ANK2: variants seen among roughly 807,000 people sequenced by gnomAD.
ANK2 encodes the protein ankyrin 2, also known as ankyrin-2.
ANK2 carries 83 observed loss-of-function variants against 360.5 expected under a neutral mutation model. That is an observed-to-expected ratio of 0.23 (90% CI 0.19 to 0.28). The LOEUF (loss-of-function observed/expected upper bound fraction) is 0.28, where lower values mean the gene tolerates loss of function less well. ANK2 is among the 10% of genes least tolerant of loss of function. The pLI, the probability that ANK2 is intolerant of heterozygous loss-of-function variation, is 1.00. For missense variants in ANK2, 4,201 were observed against 4,795.7 expected, an observed-to-expected ratio of 0.88 and a Z score of 3.66; for synonymous variants, 1,740 against 1,759.5, an observed-to-expected ratio of 0.99 and a Z score of 0.28.
rs58509066 is a variant in ANK2 at position 113,153,763 on chromosome 4, A to G, written c.85-20653A>G. Among the ~76,000 whole-genome samples, 53 of 152,324 alleles carry G rather than the reference A, an allele frequency of 3.5e-4. 2 individuals carry two copies. The East Asian group carries it at 0.01, about 29-fold the overall frequency. On this transcript the variant is annotated intron_variant, in intron 1 of 45. Transcript: ENST00000357077. ...GTACTCTGTGAACTACCACATCAGA[A>G]GAATCGCCTGGTGTGTTTTTAAATG...
intron 1 of ANK2, among the ~76,000 whole-genome samples, chr4:113,163,018 A>G (rs867239399): frequency 6.6e-6 from 1 of 152,214 alleles, no homozygotes; most frequent in South Asian, 2.1e-4. Flanking sequence ...ACATATTTAG[A>G]TAGATACAGC....
At chr4:113,346,287 C>A (rs144676954) in intron 35 of ANK2, among the ~76,000 whole-genome samples, 99 of 152,282 alleles carry the variant, frequency 6.5e-4, no homozygotes, top group African/African-American at 2.4e-3. Flanking sequence ...TCTATTAATA[C>A]ACATTGGGCA....
At chr4:113,340,166 A>T (rs1357604379) in intron 32 of ANK2, among the ~76,000 whole-genome samples, 2 of 152,240 alleles carry the variant, frequency 1.3e-5, no homozygotes, top group African/African-American at 4.8e-5. Context: ...AATCCAGAAG[A>T]TGACATGTTC....
At chr4:112,911,256 T>C (rs111813080) in intron 2 of ANK2, among the ~76,000 whole-genome samples, 1,628 of 146,486 alleles carry the variant, frequency 0.011, 30 homozygotes, top group African/African-American at 0.038. Context: ...GCCTGTAATC[T>C]CAACACTTTG....
At chr4:113,094,658 G>A (rs1166503740) in intron 1 of ANK2, among the ~76,000 whole-genome samples, 1 of 152,152 alleles carries the variant, frequency 6.6e-6, no homozygotes, top group Non-Finnish European at 1.5e-5. Flanking sequence ...CATATTTAGT[G>A]TGGGGTACAA....
intron 1 of ANK2, among the ~76,000 whole-genome samples, chr4:112,844,427 G>A (rs535079311): frequency 1.3e-5 from 2 of 152,320 alleles, no homozygotes; most frequent in South Asian, 4.1e-4. Flanking sequence ...GAAGGCAAGG[G>A]CCATAACTGT....
At chr4:113,074,920 G>C (rs1459596926) in intron 1 of ANK2, among the ~76,000 whole-genome samples, 1 of 152,130 alleles carries the variant, frequency 6.6e-6, no homozygotes, top group Non-Finnish European at 1.5e-5. Flanking sequence ...TAAAACAACA[G>C]GGTTGACAAA....
chr4:113,199,341 C>T (rs1270493709), intron 4 of ANK2, among the ~76,000 whole-genome samples: 1 of 152,042 alleles, frequency 6.6e-6, no homozygotes, highest in Non-Finnish European at 1.5e-5. Flanking sequence ...ATCATTGTCT[C>T]TAAGTATTTT....
At chr4:113,327,395 T>G (rs1039918628) in intron 26 of ANK2, among the ~76,000 whole-genome samples, 1 of 152,214 alleles carries the variant, frequency 6.6e-6, no homozygotes, top group Non-Finnish European at 1.5e-5. Flanking sequence ...CCAACTGCTT[T>G]CCTACATCTG....
At chr4:112,861,129 C>A (rs1331513757) in intron 1 of ANK2, among the ~76,000 whole-genome samples, 2 of 152,110 alleles carry the variant, frequency 1.3e-5, no homozygotes, top group African/African-American at 2.4e-5. Context: ...GGGTGCAAAC[C>A]AATTAAGTAA....
chr4:113,379,448 C>T (rs78065574), intron 45 of ANK2, among the ~76,000 whole-genome samples: 6,041 of 152,252 alleles, frequency 0.04, 151 homozygotes, highest in Non-Finnish European at 0.058. Flanking sequence ...TTAAAGATAT[C>T]ATATACATGT....
At chr4:113,174,584 A>G in intron 2 of ANK2, 67 bp downstream of exon 2, 3 of 1,232,008 alleles carry the variant, frequency 2.4e-6, no homozygotes, top group Non-Finnish European at 3.5e-6. Flanking sequence ...TCAGAGCCCA[A>G]GATTATTTTT....
chr4:113,081,758 T>A (rs1007231322), intron 1 of ANK2, among the ~76,000 whole-genome samples: 1 of 152,152 alleles, frequency 6.6e-6, no homozygotes, highest in African/African-American at 2.4e-5. Flanking sequence ...GGTGACCACA[T>A]ATTTTAAGTA....
At chr4:113,106,764 T>A (rs1581749070) in intron 1 of ANK2, 2 of 337,520 alleles carry the variant, frequency 5.9e-6, no homozygotes, top group East Asian at 1.5e-4. Flanking sequence ...TTCTGACAAA[T>A]TTTCTTCACA....
chr4:113,165,804 T>A (rs910377868), intron 1 of ANK2, among the ~76,000 whole-genome samples: 7 of 152,114 alleles, frequency 4.6e-5, no homozygotes, highest in African/African-American at 1.7e-4. Context: ...TCAAAGAGTA[T>A]CTTATTTCTT....
Position 113,359,089 on chromosome 4 carries a change from A to T in ANK2, c.10471A>T (p.Arg3491Trp). 1 of 1,614,076 alleles carries T rather than the reference A, an allele frequency of 6.2e-7. No individual in the cohort carries two copies. Among genetic ancestry groups the T allele is most frequent in the Non-Finnish European group, 8.5e-7 (1 of 1,179,938 alleles). Residue 3491 changes from arginine to tryptophan, a missense_variant, in exon 38 of 46, where the codon AGG becomes TGG. Arg to Trp is a moderately radical substitution (Grantham distance 101). This residue lies in a region of ANK2 where 2,642 missense variants were observed against 2,714.5 expected (regional missense o/e 0.97). Coordinates refer to ENST00000357077, the MANE Select transcript of ANK2 (RefSeq NM_001148.6). ...TGATGAGGCTTCCAAATTAGTGGAT[A>T]GGCTGACACAGTCAGAGAGGGAGCA... ...ISDEASKLVD[R>W]LTQSEREQEI...
intron 1 of ANK2, among the ~76,000 whole-genome samples, chr4:113,127,466 GT>G (rs5861123): frequency 0.34 from 50,167 of 146,262 alleles, 8,811 homozygotes; most frequent in East Asian, 0.56. Flanking sequence ...TTCTTTTTTT[GT>G]TTTTTTTTTT....
rs2095859540 is a variant in ANK2 at position 113,357,360 on chromosome 4, T to C, written c.8742T>C (p.Ala2914=). ...TGGATGTTCCCGTGTCTGACCTAGCTGAGAATGATGAAATCTATGATCCAC... is the reference window on the plus strand; with the variant it reads ...TGGATGTTCCCGTGTCTGACCTAGCCGAGAATGATGAAATCTATGATCCAC... ...FSMDVPVSDL[A]ENDEIYDPQI... Residue 2914 remains alanine, a synonymous_variant, in exon 38 of 46, where the codon GCT becomes GCC. Coordinates refer to ENST00000357077, the MANE Select transcript of ANK2 (RefSeq NM_001148.6). 6.2e-7 allele frequency: 1 copy of C among 1,614,064 alleles called. No homozygotes were observed. The highest frequency in any genetic ancestry group is 8.5e-7 in the Non-Finnish European group (1 of 1,179,980).
intron 1 of ANK2, among the ~76,000 whole-genome samples, chr4:113,109,014 A>T (rs557653703): frequency 6.6e-6 from 1 of 152,300 alleles, no homozygotes; most frequent in East Asian, 1.9e-4. Flanking sequence ...GAAGTCCCGT[A>T]GTACATATTG....
Sources: gnomAD v4.1 joint callset for allele counts (sites outside exome capture counted in the v4.1 genomes callset) on GRCh38, gnomAD v4.1.1 for gene constraint, gnomAD v4.1.1 regional missense constraint, MANE v1.5 for transcripts, NCBI Gene and HGNC (gene_info 2026-07-23, HGNC 2026-07-21) for gene names.